GTF3C1: variants seen among roughly 807,000 people sequenced by gnomAD.
GTF3C1 encodes general transcription factor IIIC subunit 1.
In GTF3C1, 57 loss-of-function variants were observed where a neutral mutation model predicts 226.7. That is an observed-to-expected ratio of 0.25 (90% confidence interval 0.20 to 0.31). GTF3C1 has a LOEUF of 0.31. Among genes scored for constraint, GTF3C1 ranks in the 10% least tolerant of loss-of-function variants. The pLI is 1.00. For synonymous variants in GTF3C1, 1,090 were observed against 1,084.8 expected (o/e 1.00, Z -0.09); for missense variants, 2,217 against 2,776.1 (o/e 0.80, Z 4.53).
intron 6 of GTF3C1, among the ~76,000 whole-genome samples, chr16:27,518,332 T>A (rs1290772777): frequency 6.6e-6 from 1 of 152,280 alleles, no homozygotes. Context: ...GGAGTCAGTC[T>A]GTCTGGTGTT....
chr16:27,476,418 T>G, intron 29 of GTF3C1, 33 bp downstream of exon 29: 3 of 1,369,144 alleles, frequency 2.2e-6, no homozygotes, highest in Non-Finnish European at 3.1e-6. Flanking sequence ...AGGGCCCACA[T>G]CCCCGCTGTG....
rs965263163 is a variant in GTF3C1, at chr16:27,463,222, G to A, written c.5924+319C>T. ...CTGTGGACCCCTGGCTCATCTGCAG[G>A]AGTGGGTGAGGTGCCTGTGGGCCAT... On this transcript the variant is annotated intron_variant, in intron 35 of 36. Transcript: ENST00000356183. This position sits in a 1 kb window ranked among gnomAD's most constrained non-coding sequence, Gnocchi z 4.9. 1 of 399,790 alleles carries A rather than the reference G, an allele frequency of 2.5e-6. No individual in the cohort carries two copies. The highest frequency in any genetic ancestry group is 2.1e-5 in the African/African-American group (1 of 47,820). 24.8% of individuals were successfully genotyped at this position (399,790 alleles called of 1,614,324 possible).
chr16:27,473,446 T>C (rs1304040857), intron 29 of GTF3C1, among the ~76,000 whole-genome samples: 2 of 152,238 alleles, frequency 1.3e-5, no homozygotes, highest in Non-Finnish European at 2.9e-5. Flanking sequence ...AGAGCTCCTA[T>C]AGGACTGTCT....
chr16:27,475,214 C>A (rs993821902), intron 29 of GTF3C1, among the ~76,000 whole-genome samples: 1 of 152,184 alleles, frequency 6.6e-6, no homozygotes, highest in Admixed American at 6.5e-5. Context: ...CTTATCAGGG[C>A]CCCACTCCAC....
rs2087828652 is a variant in GTF3C1, at chr16:27,469,263, C to G, written c.5074+28G>C. The G allele has an allele frequency of 6.5e-7, 1 of 1,536,012 alleles. No individual in the cohort carries two copies. Among genetic ancestry groups the G allele is most frequent in the African/African-American group, 1.4e-5 (1 of 73,086 alleles). On this transcript the variant is annotated intron_variant, in intron 32 of 36. Coordinates refer to ENST00000356183, the MANE Select transcript of GTF3C1 (RefSeq NM_001520.4). This position sits in a 1 kb window ranked among gnomAD's most constrained non-coding sequence, Gnocchi z 4.5. ...TCCTGGATGATGGCGAGGCCAGGCC[C>G]TCCCACAGCACCAGCAGGAGCACTC...
At chr16:27,495,869 G>A (rs569354055) in intron 14 of GTF3C1, among the ~76,000 whole-genome samples, 3 of 152,308 alleles carry the variant, frequency 2.0e-5, no homozygotes, top group East Asian at 3.9e-4. Flanking sequence ...GGTGTGCCCC[G>A]CACATTCCTG....
intron 27 of GTF3C1, among the ~76,000 whole-genome samples, chr16:27,480,271 A>G (rs1297178439): frequency 6.6e-6 from 1 of 152,108 alleles, no homozygotes; most frequent in Non-Finnish European, 1.5e-5. Flanking sequence ...TAAATTACAA[A>G]TCAGTAAACA....
intron 11 of GTF3C1, among the ~76,000 whole-genome samples, chr16:27,502,232 G>A (rs774596409): frequency 6.6e-6 from 1 of 152,124 alleles, no homozygotes; most frequent in Non-Finnish European, 1.5e-5. Context: ...TTCAGTCCTC[G>A]TTAGACACGG....
At position 27,507,121 on chromosome 16, in the gene GTF3C1, G is replaced by C; in HGVS notation, c.1278C>G (p.Thr426=). Residue 426 remains threonine (T), a synonymous_variant, in exon 9 of 37, where the codon ACC becomes ACG. Coordinates refer to ENST00000356183, the MANE Select transcript of GTF3C1 (RefSeq NM_001520.4). The surrounding 1 kb of genome is among the most constrained non-coding windows in gnomAD (Gnocchi z 4.9). ...FMEDEGRQRT[T]KYISCVFAEE... is the part of the protein sequence containing the mutation. ...CTGCAAACACGCAGGAAATGTACTT[G>C]GTGGTTCGCTGCCGACCTTCGTCTT... 1 of 1,611,044 alleles carries C rather than the reference G, an allele frequency of 6.2e-7. No homozygotes were observed. The highest frequency in any genetic ancestry group is 2.2e-5 in the East Asian group (1 of 44,796).
chr16:27,507,896 T>C lies in GTF3C1; in HGVS notation c.1242+644A>G, dbSNP rs1278104770. Among the ~76,000 whole-genome samples, 2 of 152,260 alleles carry C rather than the reference T, an allele frequency of 1.3e-5. No individual in the cohort carries two copies. Among genetic ancestry groups the C allele is most frequent in the African/African-American group, 4.8e-5 (2 of 41,470 alleles). On this transcript the variant is annotated intron_variant, in intron 8 of 36. Transcript: ENST00000356183. This position sits in a 1 kb window ranked among gnomAD's most constrained non-coding sequence, Gnocchi z 4.9. Reference sequence around the variant, plus strand: ...CATAAGAAGGAGGGCCAAGTGGGGATGGTGGAACCCTGGAGAGCACTGCTT... The same window carrying C: ...CATAAGAAGGAGGGCCAAGTGGGGACGGTGGAACCCTGGAGAGCACTGCTT...
intron 23 of GTF3C1, among the ~76,000 whole-genome samples, chr16:27,486,532 A>G (rs1308229850): frequency 6.6e-6 from 1 of 152,180 alleles, no homozygotes; most frequent in Non-Finnish European, 1.5e-5. Context: ...GAGCAGGACC[A>G]GGGACTGTGC....
At chr16:27,481,336 G>A in intron 26 of GTF3C1, 145 bp from the exon 27 acceptor site, 1 of 667,990 alleles carries the variant, frequency 1.5e-6, no homozygotes, top group Middle Eastern at 2.5e-4. Context: ...CTGGTCACCT[G>A]TCATCTGTCA....
chr16:27,546,894 G>A (rs1237273674), intron 1 of GTF3C1, among the ~76,000 whole-genome samples: 2 of 151,992 alleles, frequency 1.3e-5, no homozygotes, highest in Non-Finnish European at 2.9e-5. Flanking sequence ...AGCCTCCCTA[G>A]TAGCTGGGAT....
intron 27 of GTF3C1, 187 bp from the exon 28 acceptor site, chr16:27,478,718 A>G: frequency 1.7e-6 from 1 of 597,570 alleles, no homozygotes; most frequent in Admixed American, 2.8e-5. Flanking sequence ...CCTGTTATAA[A>G]AAGGAGGGCT....
In GTF3C1 at chr16:27,533,267, G is replaced by A. The variant is rs544224764; in HGVS notation, c.849+24C>T. 45 of 1,249,028 alleles carry A rather than the reference G, an allele frequency of 3.6e-5. No individual in the cohort carries two copies. The South Asian group carries it at 4.5e-4, about 13-fold the overall frequency. 77.4% of individuals were successfully genotyped at this position (1,249,028 alleles called of 1,614,324 possible). A position where few individuals can be genotyped will look rare whatever the true frequency, so the allele number is the denominator to read the frequency against. ...TATGGTACAGATCACACCCAGCCCC[G>A]CCCGTGGGAAACCCCAGGCTCACCA... is the stretch of plus-strand genomic sequence containing the variant. On this transcript the variant is annotated intron_variant, in intron 5 of 36. Coordinates refer to ENST00000356183, the MANE Select transcript of GTF3C1 (RefSeq NM_001520.4).
At chr16:27,537,960 T>C (rs973754259) in intron 3 of GTF3C1, 33 bp from the exon 4 acceptor site, 2 of 1,607,778 alleles carry the variant, frequency 1.2e-6, no homozygotes, top group African/African-American at 2.7e-5. Flanking sequence ...TCATTTGCTT[T>C]GCTGGTAGTT....
Position 27,471,113 on chromosome 16 carries a change from G to A in GTF3C1, c.4526+635C>T, listed in dbSNP as rs1204613772. Among the ~76,000 whole-genome samples the A allele has an allele frequency of 6.6e-6, 1 of 152,252 alleles. No individual in the cohort carries two copies. The highest frequency in any genetic ancestry group is 1.5e-5 in the Non-Finnish European group (1 of 68,046). ...AAAGAACCAAAAGAAGATTCATGGT[G>A]CTGTCTCTGAGCATCTGACTGCAGC... On this transcript the variant is annotated intron_variant, in intron 30 of 36. Transcript: ENST00000356183. The surrounding 1 kb of genome is among the most constrained non-coding windows in gnomAD (Gnocchi z 5.0).
chr16:27,527,875 G>C (rs902697821), intron 6 of GTF3C1, among the ~76,000 whole-genome samples: 1 of 152,062 alleles, frequency 6.6e-6, no homozygotes, highest in African/African-American at 2.4e-5. Flanking sequence ...TGGTGAGGCT[G>C]AGGCGGGAGG....
intron 2 of GTF3C1, among the ~76,000 whole-genome samples, chr16:27,539,990 G>C (rs1375217776): frequency 6.6e-6 from 1 of 152,114 alleles, no homozygotes; most frequent in Non-Finnish European, 1.5e-5. Flanking sequence ...ACATACAAAA[G>C]CTCACAGGCT....
Sources: allele counts gnomAD v4.1 joint callset (sites outside exome capture counted in the v4.1 genomes callset), GRCh38; gene constraint gnomAD v4.1.1; non-coding constraint Gnocchi (gnomAD v3.1); transcripts MANE v1.5; gene names NCBI Gene and HGNC (gene_info 2026-07-23, HGNC 2026-07-21).